SCFD1: variants seen among roughly 807,000 people sequenced by gnomAD.
SCFD1 encodes the protein sec1 family domain-containing protein 1.
A neutral mutation model predicts 103.2 loss-of-function variants in SCFD1; 37 were observed. That is an observed-to-expected ratio of 0.36 (90% CI 0.28 to 0.47). SCFD1 has a LOEUF of 0.47. Among genes scored for constraint, SCFD1 ranks in the 20% least tolerant of loss-of-function variants. The pLI, the probability that SCFD1 is intolerant of heterozygous loss-of-function variation, is 1.00. For synonymous variants in SCFD1, 264 were observed against 245.0 expected (o/e 1.08, Z -0.73); for missense variants, 639 against 761.2 (o/e 0.84, Z 1.89).
intron 23 of SCFD1, among the ~76,000 whole-genome samples, chr14:30,724,785 C>A (rs1892926823): frequency 6.6e-6 from 1 of 152,084 alleles, no homozygotes; most frequent in Non-Finnish European, 1.5e-5. Context: ...AATGATATTG[C>A]CTAGGTTGTC....
At chr14:30,632,657 G>A (rs991712960) in intron 3 of SCFD1, among the ~76,000 whole-genome samples, 11 of 152,158 alleles carry the variant, frequency 7.2e-5, no homozygotes, top group South Asian at 6.2e-4. Context: ...CATTGTCTCT[G>A]TACTAAGTGT....
intron 19 of SCFD1, among the ~76,000 whole-genome samples, chr14:30,708,607 G>A (rs902623670): frequency 6.6e-5 from 10 of 152,060 alleles, no homozygotes; most frequent in African/African-American, 2.2e-4. Flanking sequence ...TTGAAAGTAC[G>A]TTAATTGAAA....
rs550622874 is a variant in SCFD1 at position 30,726,241 on chromosome 14, T to C, written c.1836+3682T>C. Among the ~76,000 whole-genome samples the C allele has an allele frequency of 1.8e-4, 28 of 152,352 alleles. No homozygotes were observed. In the South Asian group the frequency reaches 2.1e-3, roughly 11 times the overall value. ...TACCAGATAATCCAGTGAAAACTTG[T>C]TCTTAATCATGTACAAGCTTGACAG... is the stretch of plus-strand genomic sequence containing the variant. On this transcript the variant is annotated intron_variant, in intron 23 of 24. Coordinates refer to ENST00000458591, the MANE Select transcript of SCFD1 (RefSeq NM_016106.4).
chr14:30,660,594 T>C (rs1887354861), intron 10 of SCFD1, among the ~76,000 whole-genome samples: 1 of 152,188 alleles, frequency 6.6e-6, no homozygotes, highest in African/African-American at 2.4e-5. Context: ...CCTCCATCTT[T>C]TTAGCCAACA....
At chr14:30,696,710 C>G (rs1476397140) in intron 15 of SCFD1, among the ~76,000 whole-genome samples, 1 of 151,942 alleles carries the variant, frequency 6.6e-6, no homozygotes, top group Non-Finnish European at 1.5e-5. Context: ...GGAGGGTGAC[C>G]CCTGCACAGG....
intron 1 of SCFD1, 27 bp downstream of exon 1, chr14:30,622,426 A>G (rs1415528330): frequency 1.5e-5 from 23 of 1,550,594 alleles, no homozygotes; most frequent in Non-Finnish European, 2.0e-5. Flanking sequence ...TTCTCCTTGA[A>G]GCTTCGTGAC....
At chr14:30,717,639 C>T (rs1006867238) in intron 20 of SCFD1, among the ~76,000 whole-genome samples, 1 of 152,020 alleles carries the variant, frequency 6.6e-6, no homozygotes, top group African/African-American at 2.4e-5. Context: ...AGCCTGTAAT[C>T]CTAGCACTTT....
At chr14:30,733,000 A>ATTTTTT (rs757293549) in intron 23 of SCFD1, among the ~76,000 whole-genome samples, 1 of 147,342 alleles carries the variant, frequency 6.8e-6, no homozygotes. Context: ...ATAAAGTTCG[A>ATTTTTT]TTTTTTTTTC....
At chr14:30,665,041 G>T (rs1887812972) in intron 10 of SCFD1, among the ~76,000 whole-genome samples, 1 of 152,148 alleles carries the variant, frequency 6.6e-6, no homozygotes, top group South Asian at 2.1e-4. Context: ...AGGAAATACA[G>T]AGAACACCAC....
intron 4 of SCFD1, among the ~76,000 whole-genome samples, chr14:30,635,551 GT>G (rs1392708475): frequency 6.6e-6 from 1 of 152,070 alleles, no homozygotes; most frequent in African/African-American, 2.4e-5. Flanking sequence ...TTAGCATAAT[GT>G]TTCCAAGGTT....
At position 30,721,928 on chromosome 14, in the gene SCFD1, TA is replaced by T. The variant is rs1333328204; in HGVS notation, c.1770+12del. The stretch of plus-strand genomic sequence containing the variant: ...AATCCATTCCAAGAGGTAAGTTTCA[TA>T]TAAAAATTCTCTGTTCCTAGAAAGG... On this transcript the variant is annotated intron_variant, in intron 22 of 24. Coordinates refer to ENST00000458591, the MANE Select transcript of SCFD1 (RefSeq NM_016106.4). 1 of 1,595,830 alleles carries T rather than the reference TA, an allele frequency of 6.3e-7. No individual in the cohort carries two copies. Among genetic ancestry groups the T allele is most frequent in the Non-Finnish European group, 8.6e-7 (1 of 1,164,396 alleles).
rs532752712 is a variant in SCFD1, at chr14:30,640,292, A to G, written c.523+428A>G. On this transcript the variant is annotated intron_variant, in intron 6 of 24. Coordinates refer to ENST00000458591, the MANE Select transcript of SCFD1 (RefSeq NM_016106.4). ...AGAAGAGAATGAATCTTTTGGTTTC[A>G]TTGAGCTCTAGAGCATCTGTTCTTG... is the stretch of plus-strand genomic sequence containing the variant. Among the ~76,000 whole-genome samples, 32 of 152,314 alleles carry G rather than the reference A, an allele frequency of 2.1e-4. No homozygotes were observed. The East Asian group carries it at 2.3e-3, about 11-fold the overall frequency.
At chr14:30,670,734 A>T (rs1368966237) in intron 11 of SCFD1, among the ~76,000 whole-genome samples, 3 of 151,760 alleles carry the variant, frequency 2.0e-5, no homozygotes, top group Admixed American at 6.6e-5. Flanking sequence ...TTTGGGGGTG[A>T]TTTTTTCCTT....
intron 15 of SCFD1, 140 bp from the exon 16 acceptor site, chr14:30,700,048 T>C (rs1221758013): frequency 8.0e-6 from 5 of 627,192 alleles, no homozygotes; most frequent in Non-Finnish European, 1.4e-5. Flanking sequence ...ATTATATGCC[T>C]GTTACCTTAG....
chr14:30,675,568 A>G (rs1157642691), intron 14 of SCFD1, among the ~76,000 whole-genome samples: 1 of 152,192 alleles, frequency 6.6e-6, no homozygotes, highest in Non-Finnish European at 1.5e-5. Flanking sequence ...ATATTGTTAT[A>G]GTTCTTTTTC....
intron 14 of SCFD1, among the ~76,000 whole-genome samples, chr14:30,676,892 AC>A (rs1045994899): frequency 3.3e-5 from 5 of 152,346 alleles, no homozygotes; most frequent in African/African-American, 1.2e-4. Context: ...TAATTTACTT[AC>A]GAAATTTTTA....
chr14:30,643,336 A>G lies in SCFD1; in HGVS notation c.544A>G (p.Thr182Ala). Residue 182 changes from threonine to alanine, a missense_variant, in exon 7 of 25, where the codon ACA becomes GCA. Transcript: ENST00000458591. The stretch of plus-strand genomic sequence containing the variant: ...TTTAGCCATTAACAGGCCAGATATC[A>G]CAGACACGGAAATGGAAACTGTTAT... Reference protein sequence around the residue: ...SYRAINRPDITDTEMETVMDT... With the variant: ...SYRAINRPDIADTEMETVMDT... 1 of 1,613,080 alleles carries G rather than the reference A, an allele frequency of 6.2e-7. No homozygotes were observed. The highest frequency in any genetic ancestry group is 8.5e-7 in the Non-Finnish European group (1 of 1,179,100).
intron 14 of SCFD1, 120 bp downstream of exon 14, chr14:30,675,185 A>T: frequency 2.1e-6 from 1 of 472,320 alleles, no homozygotes. Context: ...AAGTATAATT[A>T]TGGAAGACAG....
chr14:30,633,196 A>G (rs765136039), intron 3 of SCFD1, among the ~76,000 whole-genome samples: 7 of 152,208 alleles, frequency 4.6e-5, no homozygotes, highest in Non-Finnish European at 8.8e-5. Flanking sequence ...GGCAACAGTT[A>G]TTAAACACAG....
Sources: allele counts gnomAD v4.1 joint callset (sites outside exome capture counted in the v4.1 genomes callset), GRCh38; gene constraint gnomAD v4.1.1; transcripts MANE v1.5; gene names NCBI Gene and HGNC (gene_info 2026-07-23, HGNC 2026-07-21).